The following MERTK variants were observed in gnomAD, a reference collection of about 807,000 sequenced individuals.
The protein encoded by MERTK is MER proto-oncogene, tyrosine kinase, also known as tyrosine-protein kinase Mer.
A neutral mutation model predicts 99.3 loss-of-function variants in MERTK; 69 were observed. The ratio of observed to expected loss-of-function variants is 0.70; its 90% CI spans 0.57 to 0.85. The LOEUF (loss-of-function observed/expected upper bound fraction) is 0.85. MERTK is among the 40% of genes least tolerant of loss of function. The probability of loss-of-function intolerance (pLI) is 0.00; values close to 1 mark genes in which losing one functional copy is unlikely to be tolerated. For missense variants in MERTK, 1,125 were observed against 1,249.4 expected (o/e 0.90, Z 1.50); for synonymous variants, 426 against 467.6 (o/e 0.91, Z 1.15).
intron 13 of MERTK, among the ~76,000 whole-genome samples, chr2:112,005,665 A>G (rs1676965832): frequency 6.6e-6 from 1 of 152,190 alleles, no homozygotes; most frequent in African/African-American, 2.4e-5. Context: ...AGTCTTCATC[A>G]TGAATCATGG....
intron 4 of MERTK, among the ~76,000 whole-genome samples, chr2:111,961,666 G>A (rs1453343911): frequency 6.6e-6 from 1 of 152,160 alleles, no homozygotes; most frequent in Non-Finnish European, 1.5e-5. Flanking sequence ...TGAGGGACCC[G>A]TGTGTAGTCA....
At chr2:111,945,324 C>G (rs962320124) in intron 3 of MERTK, among the ~76,000 whole-genome samples, 9 of 152,208 alleles carry the variant, frequency 5.9e-5, no homozygotes, top group African/African-American at 1.9e-4. Flanking sequence ...ACTTCCTTGT[C>G]CACAGATTAT....
chr2:111,974,410 CAATAA>C (rs1291332142), intron 6 of MERTK, among the ~76,000 whole-genome samples: 4 of 150,148 alleles, frequency 2.7e-5, no homozygotes, highest in South Asian at 2.1e-4. Context: ...ATAATAATAA[CAATAA>C]AATAAAATAA....
At chr2:111,935,913 CA>C (rs1444744359) in intron 2 of MERTK, among the ~76,000 whole-genome samples, 1 of 151,762 alleles carries the variant, frequency 6.6e-6, no homozygotes, top group Admixed American at 6.6e-5. Flanking sequence ...TAAAAGTCTT[CA>C]AAAAAATTTT....
chr2:112,010,604 G>A (rs149596162), intron 15 of MERTK, among the ~76,000 whole-genome samples: 4 of 152,234 alleles, frequency 2.6e-5, no homozygotes, highest in Admixed American at 6.5e-5. Context: ...AGGCAGTTAC[G>A]GATCATCTAG....
chr2:111,982,840 A>G lies in MERTK; in HGVS notation c.1145-2A>G. ...ATTCTTCTCTCCTTTTTTCTTTTGTAGCCCCATCAGTAGCACCTTTAAATG... is the reference window on the plus strand; with the variant it reads ...ATTCTTCTCTCCTTTTTTCTTTTGTGGCCCCATCAGTAGCACCTTTAAATG... On this transcript the variant is annotated splice_acceptor_variant, in intron 7 of 18. Transcript: ENST00000295408. LOFTEE classifies it high-confidence loss of function. The G allele has an allele frequency of 6.2e-7, 1 of 1,613,848 alleles. No homozygotes were observed. Among genetic ancestry groups the G allele is most frequent in the Non-Finnish European group, 8.5e-7 (1 of 1,179,856 alleles).
intron 1 of MERTK, among the ~76,000 whole-genome samples, chr2:111,912,215 G>T (rs182795111): frequency 6.6e-6 from 1 of 151,784 alleles, no homozygotes; most frequent in African/African-American, 2.4e-5. Context: ...CACCATGCTG[G>T]CCAGGCCGGT....
intron 7 of MERTK, among the ~76,000 whole-genome samples, chr2:111,979,795 T>G (rs1370221402): frequency 1.3e-5 from 2 of 152,184 alleles, no homozygotes; most frequent in Admixed American, 6.5e-5. Flanking sequence ...ATAAGAGTCT[T>G]TTCTGGATAT....
intron 2 of MERTK, among the ~76,000 whole-genome samples, chr2:111,936,298 G>A (rs6743523): frequency 0.23 from 34,860 of 152,038 alleles, 4,323 homozygotes; most frequent in Middle Eastern, 0.36. Context: ...GAACATTTCT[G>A]TATATTACTA....
chr2:111,966,515 A>G (rs567486651), intron 5 of MERTK, among the ~76,000 whole-genome samples: 1 of 152,354 alleles, frequency 6.6e-6, no homozygotes, highest in East Asian at 1.9e-4. Context: ...TTCATGAAGT[A>G]TAAACCTCTT....
chr2:112,028,643 G>T lies in MERTK; in HGVS notation c.2779G>T (p.Gly927Ter). The change falls in exon 19 of 19, where the codon GGA becomes TGA. Residue 927 changes from glycine to a stop codon, truncating the protein, a stop_gained. Coordinates refer to ENST00000295408, the MANE Select transcript of MERTK (RefSeq NM_006343.3). LOFTEE classifies it low-confidence loss of function (END_TRUNC). ...AGTTCATGACAGCAAACCTCATGAAGGACGGTACATCCTGAATGGGGGCAG... is the reference window on the plus strand; with the variant it reads ...AGTTCATGACAGCAAACCTCATGAATGACGGTACATCCTGAATGGGGGCAG... Reference protein sequence around the residue: ...AEVHDSKPHEGRYILNGGSEE... With the variant: ...AEVHDSKPHE 2.5e-6 allele frequency: 4 copies of T among 1,614,188 alleles called. No homozygotes were observed. Among genetic ancestry groups the T allele is most frequent in the Non-Finnish European group, 3.4e-6 (4 of 1,180,034 alleles).
chr2:111,997,779 C>T (rs566448474), intron 10 of MERTK, among the ~76,000 whole-genome samples: 34 of 152,322 alleles, frequency 2.2e-4, no homozygotes, highest in African/African-American at 6.7e-4. Context: ...AGGCCGAGTG[C>T]GGTGGCTCAC....
intron 15 of MERTK, among the ~76,000 whole-genome samples, chr2:112,014,543 A>G (rs889630399): frequency 1.6e-4 from 5 of 32,134 alleles, no homozygotes; most frequent in African/African-American, 3.8e-4. Context: ...ATTTTGTAGC[A>G]AAAAAGATTA....
At chr2:111,917,662 G>A (rs372602890) in intron 1 of MERTK, among the ~76,000 whole-genome samples, 8 of 152,098 alleles carry the variant, frequency 5.3e-5, no homozygotes, top group East Asian at 3.9e-4. Flanking sequence ...CGAGGTGGGC[G>A]GATCACAAGG....
intron 1 of MERTK, among the ~76,000 whole-genome samples, chr2:111,917,621 C>T (rs999006965): frequency 2.0e-5 from 3 of 152,110 alleles, no homozygotes; most frequent in East Asian, 1.9e-4. Context: ...GCGCAGTGGC[C>T]GACGCCTGTA....
In MERTK at chr2:111,994,773, G is replaced by C. The variant is rs146393570; in HGVS notation, c.1450+369G>C. On this transcript the variant is annotated intron_variant, in intron 9 of 18. Transcript: ENST00000295408. Reference sequence around the variant, plus strand: ...TAGCTAGGTAACAGAGTGAGACCCTGTCTCAAAAAAAGAAAAAAAAAAAAA... The same window carrying C: ...TAGCTAGGTAACAGAGTGAGACCCTCTCTCAAAAAAAGAAAAAAAAAAAAA... 7.4e-3 allele frequency: 1,423 copies of C among 192,032 alleles called. 10 individuals are homozygous for C. Among genetic ancestry groups the C allele is most frequent in the Non-Finnish European group, 0.011 (1,053 of 94,802 alleles). 11.9% of individuals were successfully genotyped at this position (192,032 alleles called of 1,614,324 possible).
In MERTK at chr2:111,969,561, C is replaced by G. The variant is rs191121026; in HGVS notation, c.960+1309C>G. Among the ~76,000 whole-genome samples the G allele has an allele frequency of 3.6e-3, 541 of 152,262 alleles. 2 individuals carry two copies. The highest frequency in any genetic ancestry group is 0.013 in the African/African-American group (520 of 41,540). On this transcript the variant is annotated intron_variant, in intron 6 of 18. Coordinates refer to ENST00000295408, the MANE Select transcript of MERTK (RefSeq NM_006343.3). Reference sequence around the variant, plus strand: ...GTTGACAACTAGATGTTTTTACTCGCTAGTCAAATTAATTTCTCTGTTCTT... The same window carrying G: ...GTTGACAACTAGATGTTTTTACTCGGTAGTCAAATTAATTTCTCTGTTCTT...
chr2:111,963,395 G>T lies in MERTK; in HGVS notation c.758-1796G>T, dbSNP rs188218355. 2.1e-3 allele frequency among the ~76,000 whole-genome samples: 319 copies of T among 152,314 alleles called. 3 individuals are homozygous for T. The highest frequency in any genetic ancestry group is 7.4e-3 in the African/African-American group (309 of 41,560). On this transcript the variant is annotated intron_variant, in intron 4 of 18. Transcript: ENST00000295408. ...CCTCCTCAGCACAGATCCTTTACGG[G>T]TGTCGGGCTGGGGGACGGTCAGGTC... is the stretch of plus-strand genomic sequence containing the variant.
intron 2 of MERTK, among the ~76,000 whole-genome samples, chr2:111,934,429 A>T (rs1243959867): frequency 6.6e-6 from 1 of 152,196 alleles, no homozygotes; most frequent in African/African-American, 2.4e-5. Flanking sequence ...CTGGTGTGAG[A>T]TGGTATCTCA....
Sources: gnomAD v4.1 joint callset for allele counts (sites outside exome capture counted in the v4.1 genomes callset) on GRCh38, gnomAD v4.1.1 for gene constraint, MANE v1.5 for transcripts, NCBI Gene and HGNC (gene_info 2026-07-23, HGNC 2026-07-21) for gene names.